The following MAMLD1 variants were observed in gnomAD, a reference collection of about 807,000 sequenced individuals.
The protein encoded by MAMLD1 is mastermind-like domain-containing protein 1.
Under a neutral mutation model 45.0 loss-of-function variants are expected in MAMLD1, and 14 were observed. That is an observed-to-expected ratio of 0.31 (90% confidence interval 0.21 to 0.49). The LOEUF (loss-of-function observed/expected upper bound fraction) is 0.49, where lower values mean the gene tolerates loss of function less well. MAMLD1 is among the 20% of genes least tolerant of loss of function. MAMLD1 has a pLI of 0.99. For synonymous variants in MAMLD1, 254 were observed against 247.8 expected, an observed-to-expected ratio of 1.02 and a Z score of -0.24; for missense variants, 543 against 603.6, an observed-to-expected ratio of 0.90 and a Z score of 1.05.
At chrX:150,405,758 A>G (rs2033977876) in intron 1 of MAMLD1, among the ~76,000 whole-genome samples, 1 of 111,557 alleles carries the variant, frequency 9.0e-6, no homozygotes, top group Admixed American at 9.5e-5. Flanking sequence ...ACGAGGCTTA[A>G]TATCAGCGAA....
chrX:150,369,209 C>CTGGGAAACT (rs1412980461), intron 1 of MAMLD1, among the ~76,000 whole-genome samples: 5 of 109,616 alleles, frequency 4.6e-5, no homozygotes, highest in Non-Finnish European at 9.5e-5. Context: ...AGCCTAGGAG[C>CTGGGAAACT]TGGGAAACTT....
chrX:150,372,252 A>T (rs940882703), intron 1 of MAMLD1, among the ~76,000 whole-genome samples: 1 of 112,072 alleles, frequency 8.9e-6, no homozygotes, highest in Non-Finnish European at 1.9e-5. Flanking sequence ...GTAAATTAAG[A>T]ATTAGAAGGT....
chrX:150,507,550 C>T lies in MAMLD1; in HGVS notation c.2285-2412C>T, dbSNP rs1488358423. 5.4e-5 allele frequency among the ~76,000 whole-genome samples: 6 copies of T among 112,125 alleles called. No individual in the cohort carries two copies. The South Asian group carries it at 1.5e-3, about 28-fold the overall frequency. ...AGGTGAAGAGACCATGGAGGACCGT[C>T]GCTTGCTGGTGGCACCCCAGACTTG... On this transcript the variant is annotated intron_variant, in intron 6 of 7. Coordinates refer to ENST00000370401, the MANE Select transcript of MAMLD1 (RefSeq NM_005491.5).
intron 1 of MAMLD1, among the ~76,000 whole-genome samples, chrX:150,424,976 A>G (rs2034655195): frequency 8.9e-6 from 1 of 112,169 alleles, no homozygotes; most frequent in Non-Finnish European, 1.9e-5. Flanking sequence ...TATTTCGCAT[A>G]AATTGAATCA....
intron 1 of MAMLD1, among the ~76,000 whole-genome samples, chrX:150,428,331 G>C (rs781844092): frequency 8.9e-6 from 1 of 112,344 alleles, no homozygotes; most frequent in African/African-American, 3.2e-5. Flanking sequence ...GAGGACGCAG[G>C]CATTTTTTCC....
intron 1 of MAMLD1, among the ~76,000 whole-genome samples, chrX:150,404,452 A>G (rs782353797): frequency 2.3e-3 from 253 of 112,001 alleles, no homozygotes; most frequent in Non-Finnish European, 3.4e-3. Context: ...ATATGAAAAC[A>G]TTGCACACAT....
intron 1 of MAMLD1, among the ~76,000 whole-genome samples, chrX:150,429,807 C>G (rs2034853777): frequency 9.1e-6 from 1 of 109,903 alleles, no homozygotes; most frequent in South Asian, 3.9e-4. Flanking sequence ...CACTTCCTCA[C>G]CAGCATTTGA....
chrX:150,389,054 A>ATTT (rs372830900), intron 1 of MAMLD1, among the ~76,000 whole-genome samples: 19 of 106,560 alleles, frequency 1.8e-4, no homozygotes, highest in African/African-American at 5.4e-4. Flanking sequence ...ATTTCAATGC[A>ATTT]TTTTTTTTTT....
At chrX:150,411,049 C>A (rs1557402812) in intron 1 of MAMLD1, among the ~76,000 whole-genome samples, 15 of 111,812 alleles carry the variant, frequency 1.3e-4, no homozygotes, top group African/African-American at 4.6e-4. Flanking sequence ...CAGGACAATT[C>A]TTCTTCCACT....
At chrX:150,446,767 T>C (rs1292695136) in intron 2 of MAMLD1, among the ~76,000 whole-genome samples, 1 of 112,930 alleles carries the variant, frequency 8.9e-6, no homozygotes, top group East Asian at 2.8e-4. Context: ...AAGAAATCTC[T>C]AACCTCCATC....
intron 1 of MAMLD1, among the ~76,000 whole-genome samples, chrX:150,433,874 T>C (rs2035033740): frequency 8.9e-6 from 1 of 111,804 alleles, no homozygotes. Flanking sequence ...GTTTTCTTTT[T>C]TGTTGTGTCT....
At chrX:150,442,586 C>G (rs1557404591) in intron 1 of MAMLD1, among the ~76,000 whole-genome samples, 1 of 111,545 alleles carries the variant, frequency 9.0e-6, no homozygotes, top group Admixed American at 9.5e-5. Context: ...TTACTTTCCT[C>G]TATTTATAAT....
chrX:150,372,189 G>A (rs979849176), intron 1 of MAMLD1, among the ~76,000 whole-genome samples: 1 of 112,264 alleles, frequency 8.9e-6, no homozygotes, highest in Non-Finnish European at 1.9e-5. Flanking sequence ...GACAGCAAAG[G>A]GGCATATTAG....
At chrX:150,472,331 C>T (rs1348619775) in intron 4 of MAMLD1, among the ~76,000 whole-genome samples, 1 of 112,265 alleles carries the variant, frequency 8.9e-6, no homozygotes, top group Non-Finnish European at 1.9e-5. Flanking sequence ...GCACCAGCTT[C>T]GAACCATATG....
chrX:150,442,036 A>G (rs1348910201), intron 1 of MAMLD1, among the ~76,000 whole-genome samples: 2 of 106,826 alleles, frequency 1.9e-5, no homozygotes, highest in Admixed American at 2.0e-4. Context: ...TAATGTCCCT[A>G]TCTGTCGCTG....
Position 150,512,991 on chromosome X carries a change from A to T in MAMLD1, c.*1032A>T. ...GTGTGCAACTTGAGGCTGATCGACGACATTTTGGAACAGCATGCTGCTGCT... is the reference window on the plus strand; with the variant it reads ...GTGTGCAACTTGAGGCTGATCGACGTCATTTTGGAACAGCATGCTGCTGCT... On this transcript the variant is annotated 3_prime_UTR_variant, in exon 8 of 8. Transcript: ENST00000370401. The T allele has an allele frequency of 8.7e-7, 1 of 1,154,729 alleles. No individual in the cohort carries two copies. The highest frequency in any genetic ancestry group is 1.1e-6 in the Non-Finnish European group (1 of 871,691).
chrX:150,382,507 T>C (rs782782823), intron 1 of MAMLD1, among the ~76,000 whole-genome samples: 4 of 111,894 alleles, frequency 3.6e-5, no homozygotes, highest in Non-Finnish European at 5.6e-5. Flanking sequence ...TGTCTACGTC[T>C]ACAAAAAACT....
At chrX:150,402,124 G>A (rs1204077134) in intron 1 of MAMLD1, among the ~76,000 whole-genome samples, 4 of 111,096 alleles carry the variant, frequency 3.6e-5, no homozygotes, top group Admixed American at 1.9e-4. Flanking sequence ...TACCATCAGA[G>A]TGAACAGGCA....
chrX:150,503,329 T>G lies in MAMLD1; in HGVS notation c.2096T>G (p.Leu699Arg). Residue 699 changes from leucine to arginine, a missense_variant, in exon 6 of 8, where the codon CTC becomes CGC. Transcript: ENST00000370401. ...LGEARHPQVS[L>R]GRQPPSCQAL... ...GAAGCCAGGCACCCCCAGGTCAGCC[T>G]CGGGCGACAGCCCCCGTCCTGCCAG... The G allele has an allele frequency of 8.3e-7, 1 of 1,212,068 alleles. No homozygotes were observed. The highest frequency in any genetic ancestry group is 1.1e-6 in the Non-Finnish European group (1 of 895,382).
Sources: gnomAD v4.1 joint callset for allele counts (sites outside exome capture counted in the v4.1 genomes callset) on GRCh38, gnomAD v4.1.1 for gene constraint, MANE v1.5 for transcripts, NCBI Gene and HGNC (gene_info 2026-07-23, HGNC 2026-07-21) for gene names.